The following WDR72 variants were observed in gnomAD, a reference collection of about 807,000 sequenced individuals.
WDR72 encodes the protein WD repeat-containing protein 72.
Under a neutral mutation model 124.2 loss-of-function variants are expected in WDR72, and 120 were observed. The ratio of observed to expected loss-of-function variants is 0.97; its 90% CI spans 0.83 to 1.12. The LOEUF is 1.12. Among genes scored for constraint, WDR72 ranks in the 50% most tolerant of loss-of-function variants. WDR72 has a pLI of 0.00. For missense variants in WDR72, 1,387 were observed against 1,278.8 expected (o/e 1.08, Z -1.29); for synonymous variants, 452 against 441.7 (o/e 1.02, Z -0.29).
chr15:53,728,185 G>A (rs1437750964), intron 2 of WDR72, among the ~76,000 whole-genome samples: 1 of 152,206 alleles, frequency 6.6e-6, no homozygotes, highest in Non-Finnish European at 1.5e-5. Context: ...GGAGGAGCAA[G>A]TCACATCTTA....
At chr15:53,566,088 G>A (rs1894285861) in intron 18 of WDR72, among the ~76,000 whole-genome samples, 1 of 151,952 alleles carries the variant, frequency 6.6e-6, no homozygotes. Context: ...TACTGAGCAC[G>A]TATTACATGT....
intron 14 of WDR72, among the ~76,000 whole-genome samples, chr15:53,627,314 C>G (rs1005122472): frequency 2.6e-5 from 4 of 152,226 alleles, no homozygotes; most frequent in South Asian, 2.1e-4. Context: ...AAGTCGTCAT[C>G]ATGTGAAAAC....
intron 18 of WDR72, among the ~76,000 whole-genome samples, chr15:53,526,459 T>C (rs1053226240): frequency 2.0e-5 from 3 of 152,178 alleles, no homozygotes; most frequent in Middle Eastern, 3.4e-3. Flanking sequence ...CTGCCTACTT[T>C]GGTATGTATT....
chr15:53,609,134 T>C (rs2013421251), intron 17 of WDR72, among the ~76,000 whole-genome samples: 1 of 152,090 alleles, frequency 6.6e-6, no homozygotes, highest in South Asian at 2.1e-4. Context: ...ATGACCACTA[T>C]GTGCCCACAA....
At chr15:53,518,542 T>TTATATCTTCCTACTGGAA (rs1296073891) in intron 19 of WDR72, among the ~76,000 whole-genome samples, 2 of 151,816 alleles carry the variant, frequency 1.3e-5, no homozygotes, top group Non-Finnish European at 2.9e-5. Context: ...AAGAAAGTGC[T>TTATATCTTCCTACTGGAA]TATATCTTCC....
At chr15:53,571,729 C>T (rs975346082) in intron 18 of WDR72, among the ~76,000 whole-genome samples, 1 of 151,634 alleles carries the variant, frequency 6.6e-6, no homozygotes, top group Admixed American at 6.6e-5. Context: ...GGTACTAATC[C>T]CAGCAGTGTG....
upstream of WDR72, among the ~76,000 whole-genome samples, chr15:53,760,267 T>C (rs1003556596): frequency 6.6e-6 from 1 of 152,034 alleles, no homozygotes; most frequent in Non-Finnish European, 1.5e-5. Flanking sequence ...GTAGGTCTTA[T>C]TCATTCTTTC....
intron 16 of WDR72, among the ~76,000 whole-genome samples, chr15:53,612,537 C>A (rs2013585927): frequency 6.6e-6 from 1 of 151,854 alleles, no homozygotes; most frequent in African/African-American, 2.4e-5. Flanking sequence ...ATGCAAAGGT[C>A]CTCAGACCTG....
chr15:53,705,833 T>C, intron 10 of WDR72, 94 bp downstream of exon 10: 7 of 1,500,456 alleles, frequency 4.7e-6, no homozygotes, highest in South Asian at 2.3e-5. Flanking sequence ...ATTTTTCTTG[T>C]TTGTGGTCCC....
At chr15:53,588,872 C>T (rs183450497) in intron 18 of WDR72, among the ~76,000 whole-genome samples, 158 of 152,002 alleles carry the variant, frequency 1.0e-3, no homozygotes, top group African/African-American at 3.7e-3. Flanking sequence ...GAGGCTGACC[C>T]AAGCCAGCCA....
Position 53,615,999 on chromosome 15 carries a change from G to A in WDR72, c.2207C>T (p.Pro736Leu). The A allele has an allele frequency of 1.2e-6, 2 of 1,613,252 alleles. No homozygotes were observed. Among genetic ancestry groups the A allele is most frequent in the Non-Finnish European group, 1.7e-6 (2 of 1,179,594 alleles). Residue 736 changes from proline (P) to leucine (L), a missense_variant, in exon 15 of 20, where the codon CCT becomes CTT. Physicochemically the swap from Pro to Leu is moderately conservative, Grantham distance 98. Transcript: ENST00000360509. The stretch of plus-strand genomic sequence containing the variant: ...CTTGGCTAGTGCCTCTGCTGAAAGA[G>A]GACCACAGGCAGTTTTACTTTTTCT... ...TLRKSKTACG[P>L]LSAEALAKPI... is the part of the protein sequence containing the mutation.
chr15:53,635,168 A>T (rs76514974), intron 14 of WDR72, among the ~76,000 whole-genome samples: 2,172 of 152,310 alleles, frequency 0.014, 45 homozygotes, highest in East Asian at 0.095. Flanking sequence ...CTAGGGTAGA[A>T]CAGTAAGTAG....
chr15:53,543,690 A>C (rs1248484628), intron 18 of WDR72, among the ~76,000 whole-genome samples: 1 of 152,072 alleles, frequency 6.6e-6, no homozygotes, highest in Non-Finnish European at 1.5e-5. Context: ...CGTTCAAAAA[A>C]TTAATGAATC....
intron 3 of WDR72, among the ~76,000 whole-genome samples, chr15:53,718,440 T>C (rs960660898): frequency 6.6e-6 from 1 of 152,192 alleles, no homozygotes; most frequent in African/African-American, 2.4e-5. Flanking sequence ...TTGGATCCCA[T>C]TGCTTTCCCT....
At chr15:53,553,538 T>C (rs1318393096) in intron 18 of WDR72, among the ~76,000 whole-genome samples, 2 of 152,192 alleles carry the variant, frequency 1.3e-5, no homozygotes, top group East Asian at 3.9e-4. Flanking sequence ...AGTTGTTGAA[T>C]TGAGTAGAAA....
At chr15:53,749,711 A>G in intron 1 of WDR72, among the ~76,000 whole-genome samples, 1 of 152,206 alleles carries the variant, frequency 6.6e-6, no homozygotes, top group East Asian at 1.9e-4. Flanking sequence ...TGCAAAGGAA[A>G]AGTTCTTGAT....
At chr15:53,620,045 T>A (rs1469171209) in intron 14 of WDR72, among the ~76,000 whole-genome samples, 1 of 152,058 alleles carries the variant, frequency 6.6e-6, no homozygotes, top group Non-Finnish European at 1.5e-5. Context: ...ACTTATTTTA[T>A]GGAAGGCAAT....
At chr15:53,612,202 T>C (rs2013569652) in intron 16 of WDR72, among the ~76,000 whole-genome samples, 2 of 152,168 alleles carry the variant, frequency 1.3e-5, no homozygotes, top group African/African-American at 4.8e-5. Flanking sequence ...CATCCACTAA[T>C]TCAAAAGTTA....
chr15:53,751,940 G>T (rs1458710966), intron 1 of WDR72, among the ~76,000 whole-genome samples: 2 of 152,128 alleles, frequency 1.3e-5, no homozygotes, highest in Non-Finnish European at 2.9e-5. Context: ...ATAATCCTTG[G>T]AAATCATTAA....
Sources: allele counts gnomAD v4.1 joint callset (sites outside exome capture counted in the v4.1 genomes callset), GRCh38; gene constraint gnomAD v4.1.1; transcripts MANE v1.5; gene names NCBI Gene and HGNC (gene_info 2026-07-23, HGNC 2026-07-21).